ELOVL7: variants seen among roughly 807,000 people sequenced by gnomAD.
ELOVL7 encodes the protein ELOVL fatty acid elongase 7.
A neutral mutation model predicts 35.7 loss-of-function variants in ELOVL7; 27 were observed. That is an observed-to-expected ratio of 0.76 (90% CI 0.56 to 1.04). The LOEUF (loss-of-function observed/expected upper bound fraction) is 1.04, where lower values mean the gene tolerates loss of function less well. ELOVL7 is among the 50% of genes least tolerant of loss of function. The pLI is 0.00. For synonymous variants in ELOVL7, 113 were observed against 114.6 expected (o/e 0.99, Z 0.09); for missense variants, 327 against 340.8 (o/e 0.96, Z 0.32).
chr5:60,765,683 C>G (rs1742193937), intron 6 of ELOVL7, among the ~76,000 whole-genome samples: 2 of 152,126 alleles, frequency 1.3e-5, no homozygotes. Flanking sequence ...TTTAACAAGT[C>G]TCAGGTGATT....
chr5:60,763,376 T>C (rs986075187), intron 7 of ELOVL7, among the ~76,000 whole-genome samples: 6 of 152,288 alleles, frequency 3.9e-5, no homozygotes, highest in Non-Finnish European at 7.4e-5. Context: ...CAAACAAGAG[T>C]TCCTCAATTG....
At chr5:60,797,541 G>A (rs1231332346) in intron 2 of ELOVL7, among the ~76,000 whole-genome samples, 1 of 152,220 alleles carries the variant, frequency 6.6e-6, no homozygotes, top group Non-Finnish European at 1.5e-5. Context: ...CATCCTTCAG[G>A]CTTGAGGGAA....
chr5:60,754,383 A>T lies in ELOVL7; in HGVS notation c.*241T>A. 2.0e-6 allele frequency: 1 copy of T among 488,712 alleles called. No homozygotes were observed. The highest frequency in any genetic ancestry group is 3.7e-6 in the Non-Finnish European group (1 of 272,400). The allele number at this position is 488,712 out of a possible 1,614,324, so 30.3% of individuals were successfully genotyped here. ...TAAACAAAACCTTTGGATTAGGTTT[A>T]AAAGCAGCTAAAAAAACAAAAACAA... On this transcript the variant is annotated 3_prime_UTR_variant, in exon 9 of 9. Coordinates refer to ENST00000508821, the MANE Select transcript of ELOVL7 (RefSeq NM_024930.3).
intron 2 of ELOVL7, among the ~76,000 whole-genome samples, chr5:60,797,785 A>G (rs4235482): frequency 0.58 from 88,338 of 151,996 alleles, 26,439 homozygotes; most frequent in East Asian, 0.89. Flanking sequence ...AGGCATGGAA[A>G]TGGGAAAGGA....
intron 1 of ELOVL7, among the ~76,000 whole-genome samples, chr5:60,828,063 C>T (rs569823861): frequency 1.3e-5 from 2 of 152,212 alleles, no homozygotes; most frequent in South Asian, 4.1e-4. Flanking sequence ...AATGTGAATC[C>T]CCAGCTCAAA....
At chr5:60,766,690 T>A in intron 5 of ELOVL7, 60 bp from the exon 6 acceptor site, 1 of 1,482,464 alleles carries the variant, frequency 6.7e-7, no homozygotes, top group Non-Finnish European at 9.3e-7. Context: ...CTTATATTTT[T>A]AAATTTTGGT....
At chr5:60,836,352 CTTCT>C (rs2112401971) in intron 1 of ELOVL7, among the ~76,000 whole-genome samples, 1 of 152,098 alleles carries the variant, frequency 6.6e-6, no homozygotes, top group East Asian at 1.9e-4. Context: ...CCATTTCTAT[CTTCT>C]TTCTTTCTTC....
chr5:60,834,624 G>A (rs972201146), intron 1 of ELOVL7, among the ~76,000 whole-genome samples: 1 of 151,670 alleles, frequency 6.6e-6, no homozygotes, highest in African/African-American at 2.4e-5. Context: ...GCAACATGGT[G>A]AGATCCTGTC....
At chr5:60,758,562 C>T (rs1487373215) in intron 7 of ELOVL7, among the ~76,000 whole-genome samples, 1 of 152,166 alleles carries the variant, frequency 6.6e-6, no homozygotes. Context: ...ATTGATTATG[C>T]CTTCCTATTT....
chr5:60,796,248 G>A (rs981854942), intron 2 of ELOVL7, among the ~76,000 whole-genome samples: 1 of 152,104 alleles, frequency 6.6e-6, no homozygotes, highest in Non-Finnish European at 1.5e-5. Flanking sequence ...TTATACTTTA[G>A]CAGAAACAAA....
intron 1 of ELOVL7, among the ~76,000 whole-genome samples, chr5:60,824,215 A>C (rs908897257): frequency 6.6e-6 from 1 of 152,226 alleles, no homozygotes; most frequent in African/African-American, 2.4e-5. Flanking sequence ...AGTCTCTGAG[A>C]GAGTGAAGAG....
chr5:60,753,429 A>G lies in ELOVL7; in HGVS notation c.*1195T>C, dbSNP rs1287734463. 6.6e-6 allele frequency: 1 copy of G among 152,220 alleles called. No individual in the cohort carries two copies. Among genetic ancestry groups the G allele is most frequent in the Non-Finnish European group, 1.5e-5 (1 of 68,038 alleles). The allele number at this position is 152,220 out of a possible 1,614,324, so 9.4% of individuals were successfully genotyped here. A position where few individuals can be genotyped will look rare whatever the true frequency, so the allele number is the denominator to read the frequency against. ...AGAAATCCAGGTTGTTAATTAATTC[A>G]TAATTCCAGAAAATGTTTTATTGTT... On this transcript the variant is annotated 3_prime_UTR_variant, in exon 9 of 9. Coordinates refer to ENST00000508821, the MANE Select transcript of ELOVL7 (RefSeq NM_024930.3).
At chr5:60,763,598 T>C (rs1742052835) in intron 7 of ELOVL7, among the ~76,000 whole-genome samples, 1 of 152,226 alleles carries the variant, frequency 6.6e-6, no homozygotes, top group South Asian at 2.1e-4. Context: ...AAATTATTTC[T>C]GGTTTCTCCA....
chr5:60,823,614 G>A (rs1471324639), intron 1 of ELOVL7, among the ~76,000 whole-genome samples: 1 of 152,176 alleles, frequency 6.6e-6, no homozygotes, highest in East Asian at 1.9e-4. Context: ...AATTGCCAAG[G>A]GTTTATAAAA....
chr5:60,766,746 GCA>G (rs1377164413), intron 5 of ELOVL7, 116 bp from the exon 6 acceptor site: 1 of 801,794 alleles, frequency 1.2e-6, no homozygotes, highest in Non-Finnish European at 2.0e-6. Context: ...ATTTCTTAGT[GCA>G]CAGTTAAGTG....
intron 1 of ELOVL7, among the ~76,000 whole-genome samples, chr5:60,818,900 C>T (rs1000166425): frequency 6.6e-6 from 1 of 150,454 alleles, no homozygotes; most frequent in Admixed American, 6.6e-5. Context: ...CCCAGCTACT[C>T]GGGAGGCTGA....
chr5:60,786,668 C>T (rs546706490), intron 3 of ELOVL7, among the ~76,000 whole-genome samples: 35 of 152,138 alleles, frequency 2.3e-4, no homozygotes, highest in African/African-American at 3.6e-4. Context: ...TGGCAGTGGC[C>T]GGGCACAGTG....
chr5:60,781,854 T>C (rs1322060427), intron 3 of ELOVL7, among the ~76,000 whole-genome samples: 1 of 152,254 alleles, frequency 6.6e-6, no homozygotes, highest in African/African-American at 2.4e-5. Flanking sequence ...TTTCCTCATC[T>C]GCAAATTGGG....
chr5:60,791,932 C>T (rs1007191390), intron 2 of ELOVL7, among the ~76,000 whole-genome samples: 2 of 152,110 alleles, frequency 1.3e-5, no homozygotes, highest in Non-Finnish European at 2.9e-5. Flanking sequence ...CTTTCACTGC[C>T]TCCACATAGG....
Sources: allele counts gnomAD v4.1 joint callset (sites outside exome capture counted in the v4.1 genomes callset), GRCh38; gene constraint gnomAD v4.1.1; transcripts MANE v1.5; gene names NCBI Gene and HGNC (gene_info 2026-07-23, HGNC 2026-07-21).